TMEM114: variants seen among roughly 807,000 people sequenced by gnomAD.
TMEM114 encodes transmembrane protein 114.
In TMEM114, 6 loss-of-function variants were observed where a neutral mutation model predicts 6.2. That is an observed-to-expected ratio of 0.97 (90% CI 0.53 to 1.91). The LOEUF is 1.91. TMEM114 is among the 40% of genes most tolerant of loss of function. TMEM114 has a pLI of 0.01. For missense variants in TMEM114, 218 were observed against 158.3 expected (o/e 1.38, Z -2.02); for synonymous variants, 104 against 73.0 (o/e 1.42, Z -2.16).
intron 2 of TMEM114, among the ~76,000 whole-genome samples, chr16:8,546,694 C>A (rs561752538): frequency 6.6e-6 from 1 of 152,314 alleles, no homozygotes; most frequent in Non-Finnish European, 1.5e-5. Context: ...TAACCAGATA[C>A]CCCTACCAGA....
At chr16:8,529,679 A>G in the TMEM114 span, among the ~76,000 whole-genome samples, 1 of 152,006 alleles carries the variant, frequency 6.6e-6, no homozygotes, top group East Asian at 1.9e-4. Context: ...CATTGGGCTT[A>G]CTAGTAGTTC....
At chr16:8,571,523 A>T (rs373265383) in intron 3 of TMEM114, among the ~76,000 whole-genome samples, 3 of 152,110 alleles carry the variant, frequency 2.0e-5, no homozygotes, top group Non-Finnish European at 2.9e-5. Context: ...CGCCCAATAG[A>T]TCACTGAACT....
chr16:8,558,742 G>C (rs1901098465), intron 2 of TMEM114, among the ~76,000 whole-genome samples: 3 of 125,928 alleles, frequency 2.4e-5, no homozygotes. Flanking sequence ...ATTGCACCCA[G>C]TTCTTTTTTT....
intron 2 of TMEM114, among the ~76,000 whole-genome samples, chr16:8,574,091 G>A (rs1456309513): frequency 3.3e-5 from 5 of 152,084 alleles, no homozygotes; most frequent in Non-Finnish European, 7.3e-5. Flanking sequence ...AAAAACTGAG[G>A]GAGCCCAATA....
At chr16:8,544,964 T>C (rs1209057072) in intron 2 of TMEM114, among the ~76,000 whole-genome samples, 1 of 150,098 alleles carries the variant, frequency 6.7e-6, no homozygotes, top group African/African-American at 2.5e-5. Context: ...AACCCCGTAA[T>C]ATCTTATCTT....
At chr16:8,562,526 T>G (rs12924540) in intron 2 of TMEM114, among the ~76,000 whole-genome samples, 9,964 of 116,524 alleles carry the variant, frequency 0.086, 154 homozygotes, top group Middle Eastern at 0.16. Flanking sequence ...ATGAGTGAGT[T>G]AATGAGTGAG....
chr16:8,545,515 T>C (rs1900639095), intron 2 of TMEM114, among the ~76,000 whole-genome samples: 1 of 152,250 alleles, frequency 6.6e-6, no homozygotes. Flanking sequence ...CATTTTGATG[T>C]GTTAATCTAA....
chr16:8,534,847 C>T (rs1383379147), downstream of TMEM114, among the ~76,000 whole-genome samples: 1 of 152,244 alleles, frequency 6.6e-6, no homozygotes, highest in Non-Finnish European at 1.5e-5. Context: ...CTAAGATTTT[C>T]ATGAAGCGGA....
intron 2 of TMEM114, among the ~76,000 whole-genome samples, chr16:8,544,375 A>G (rs1900598822): frequency 6.6e-6 from 1 of 152,202 alleles, no homozygotes; most frequent in African/African-American, 2.4e-5. Flanking sequence ...AAGAAAACAC[A>G]TGGTCTCCTC....
chr16:8,555,717 G>T (rs562238033), intron 2 of TMEM114, among the ~76,000 whole-genome samples: 1 of 152,206 alleles, frequency 6.6e-6, no homozygotes, highest in South Asian at 2.1e-4. Flanking sequence ...GTCTTCCAGG[G>T]GACACCTGGC....
chr16:8,534,910 A>T (rs74007834), downstream of TMEM114, among the ~76,000 whole-genome samples: 1,613 of 152,318 alleles, frequency 0.011, 33 homozygotes, highest in African/African-American at 0.037. Context: ...ACAAAGTAAC[A>T]TGTGCCCAGC....
intron 2 of TMEM114, among the ~76,000 whole-genome samples, chr16:8,576,220 C>A (rs1901923456): frequency 6.6e-6 from 1 of 152,230 alleles, no homozygotes; most frequent in Non-Finnish European, 1.5e-5. Context: ...CACAGCCAGT[C>A]TGCCTCCCTA....
chr16:8,547,925 T>C (rs1045588388), intron 2 of TMEM114, among the ~76,000 whole-genome samples: 4 of 152,272 alleles, frequency 2.6e-5, no homozygotes, highest in African/African-American at 9.6e-5. Flanking sequence ...TGTGGCCTGC[T>C]CTTTTGACCT....
intron 2 of TMEM114, among the ~76,000 whole-genome samples, chr16:8,541,766 C>G (rs888942168): frequency 7.2e-5 from 11 of 152,142 alleles, no homozygotes; most frequent in African/African-American, 2.7e-4. Context: ...CCACTATATT[C>G]CTTGCCTGTC....
At chr16:8,552,920 T>C (rs1900891366) in intron 2 of TMEM114, among the ~76,000 whole-genome samples, 2 of 152,216 alleles carry the variant, frequency 1.3e-5, no homozygotes, top group African/African-American at 4.8e-5. Context: ...TCACTCACTT[T>C]AGGTCTCTTA....
intron 2 of TMEM114, among the ~76,000 whole-genome samples, chr16:8,560,890 G>C (rs1045917309): frequency 2.0e-5 from 3 of 152,192 alleles, no homozygotes; most frequent in African/African-American, 7.2e-5. Flanking sequence ...AAGAAAAAGA[G>C]ATTTAATGGA....
At chr16:8,588,115 A>G (rs1043943287) in intron 2 of TMEM114, among the ~76,000 whole-genome samples, 2 of 151,982 alleles carry the variant, frequency 1.3e-5, no homozygotes, top group Non-Finnish European at 2.9e-5. Context: ...GTGAAACTCC[A>G]TTTGTACTAG....
downstream of TMEM114, among the ~76,000 whole-genome samples, chr16:8,567,779 A>C (rs1052188908): frequency 2.0e-5 from 3 of 152,308 alleles, no homozygotes; most frequent in South Asian, 6.2e-4. Flanking sequence ...TTTGGGGATC[A>C]AATCCTGCCT....
downstream of TMEM114, among the ~76,000 whole-genome samples, chr16:8,567,422 G>A (rs1036167768): frequency 5.3e-5 from 8 of 152,204 alleles, no homozygotes; most frequent in Admixed American, 1.3e-4. Flanking sequence ...ATGGATGGGC[G>A]AATGAATGAG....
Sources: allele counts gnomAD v4.1 joint callset (sites outside exome capture counted in the v4.1 genomes callset), GRCh38; gene constraint gnomAD v4.1.1; transcripts MANE v1.5; gene names NCBI Gene and HGNC (gene_info 2026-07-23, HGNC 2026-07-21).